Variants in SLC35A5 observed in about 807,000 individuals in gnomAD.
The protein encoded by SLC35A5 is UDP-sugar transporter protein SLC35A5.
A neutral mutation model predicts 36.3 loss-of-function variants in SLC35A5; 28 were observed. The ratio of observed to expected loss-of-function variants is 0.77; its 90% CI spans 0.57 to 1.06. The LOEUF (loss-of-function observed/expected upper bound fraction) is 1.06, where lower values mean the gene tolerates loss of function less well. Among genes scored for constraint, SLC35A5 ranks in the 50% least tolerant of loss-of-function variants. SLC35A5 has a pLI of 0.00. For synonymous variants in SLC35A5, 180 were observed against 173.7 expected (o/e 1.04, Z -0.29); for missense variants, 521 against 499.3 (o/e 1.04, Z -0.41).
chr3:112,565,400 G>A (rs1934150392), intron 2 of SLC35A5, among the ~76,000 whole-genome samples: 1 of 152,156 alleles, frequency 6.6e-6, no homozygotes, highest in African/African-American at 2.4e-5. Flanking sequence ...CAAAACAGAG[G>A]CAACAGCCTG....
chr3:112,572,583 G>A (rs773803923), intron 4 of SLC35A5, among the ~76,000 whole-genome samples: 19 of 152,066 alleles, frequency 1.2e-4, no homozygotes, highest in Admixed American at 4.6e-4. Flanking sequence ...AAGCAAAATG[G>A]CAACTTCCTT....
At chr3:112,576,106 A>C (rs1174011259) in intron 5 of SLC35A5, among the ~76,000 whole-genome samples, 2 of 151,372 alleles carry the variant, frequency 1.3e-5, no homozygotes, top group East Asian at 3.9e-4. Flanking sequence ...AAAAAGAAAA[A>C]AAATTTGCCA....
intron 4 of SLC35A5, 110 bp from the exon 5 acceptor site, chr3:112,573,779 C>T: frequency 2.5e-6 from 2 of 793,460 alleles, no homozygotes; most frequent in African/African-American, 1.7e-5. Context: ...TTAATAACCC[C>T]TCTGTTTTTT....
In SLC35A5 at chr3:112,583,119, C is replaced by T. The variant is rs1290840249; in HGVS notation, c.*383C>T. On this transcript the variant is annotated 3_prime_UTR_variant, in exon 7 of 7. Coordinates refer to ENST00000492406, the MANE Select transcript of SLC35A5 (RefSeq NM_017945.5). ...TTCACAATCATGTAGTTCTAGTTTACATGCCAAAGTCTTCCCTTTTTAACA... is the reference window on the plus strand; with the variant it reads ...TTCACAATCATGTAGTTCTAGTTTATATGCCAAAGTCTTCCCTTTTTAACA... The T allele has an allele frequency of 7.5e-6, 3 of 398,756 alleles. No homozygotes were observed. Among genetic ancestry groups the T allele is most frequent in the East Asian group, 3.6e-5 (1 of 28,052 alleles). The allele number at this position is 398,756 out of a possible 1,614,324, so 24.7% of individuals were successfully genotyped here. A position where few individuals can be genotyped will look rare whatever the true frequency, so the allele number is the denominator to read the frequency against.
chr3:112,569,434 G>GA (rs1934339411), intron 3 of SLC35A5, among the ~76,000 whole-genome samples, 165 bp downstream of exon 3: 1 of 152,206 alleles, frequency 6.6e-6, no homozygotes. Flanking sequence ...AGCTCAAAGA[G>GA]AAAGTGTTAA....
At chr3:112,566,993 G>C (rs942855463) in intron 2 of SLC35A5, among the ~76,000 whole-genome samples, 1 of 152,112 alleles carries the variant, frequency 6.6e-6, no homozygotes, top group African/African-American at 2.4e-5. Context: ...TTGGGAGGCC[G>C]AGGCGGGTGG....
intron 5 of SLC35A5, among the ~76,000 whole-genome samples, chr3:112,580,025 G>A (rs969924696): frequency 3.3e-5 from 5 of 152,158 alleles, no homozygotes; most frequent in East Asian, 3.9e-4. Context: ...AATGCTCTAC[G>A]ATTAGGACAT....
chr3:112,578,508 T>G (rs979802289), intron 5 of SLC35A5, among the ~76,000 whole-genome samples: 1 of 152,208 alleles, frequency 6.6e-6, no homozygotes, highest in Non-Finnish European at 1.5e-5. Flanking sequence ...TGAAGTGAGC[T>G]TCCACTGTTT....
At position 112,580,930 on chromosome 3, in the gene SLC35A5, C is replaced by T. The variant is rs1452725265; in HGVS notation, c.813C>T (p.Leu271=). ...TESIFIQNSK[L]YFFGILFNGL... Reference sequence around the variant, plus strand: ...GCATCTTCATACAGAACAGCAAACTCTATTTCTTTGGCATTCTGTTTAATG... The same window carrying T: ...GCATCTTCATACAGAACAGCAAACTTTATTTCTTTGGCATTCTGTTTAATG... Residue 271 remains leucine, a synonymous_variant, in exon 6 of 7, where the codon CTC becomes CTT. Coordinates refer to ENST00000492406, the MANE Select transcript of SLC35A5 (RefSeq NM_017945.5). 4 of 1,614,040 alleles carry T rather than the reference C, an allele frequency of 2.5e-6. No individual in the cohort carries two copies. The African/African-American group carries it at 4.0e-5, about 16-fold the overall frequency.
At position 112,563,501 on chromosome 3, in the gene SLC35A5, G is replaced by A. The variant is rs565810064; in HGVS notation, c.98G>A (p.Arg33His). 4.4e-6 allele frequency: 7 copies of A among 1,604,878 alleles called. No homozygotes were observed. The highest frequency in any genetic ancestry group is 2.7e-5 in the African/African-American group (2 of 74,910). The change falls in exon 2 of 7, where the codon CGC becomes CAC. Residue 33 changes from arginine (R) to histidine (H), a missense_variant. Transcript: ENST00000492406. ...ATATTCATTGCTTTAAGCTCAAGTCGCATCTTACTAGTGAAGTATTCTGCC... is the reference window on the plus strand; with the variant it reads ...ATATTCATTGCTTTAAGCTCAAGTCACATCTTACTAGTGAAGTATTCTGCC... ...GAIFIALSSS[R>H]ILLVKYSANE...
Position 112,583,248 on chromosome 3 carries a change from A to G in SLC35A5, c.*512A>G. 1 of 396,704 alleles carries G rather than the reference A, an allele frequency of 2.5e-6. No individual in the cohort carries two copies. The highest frequency in any genetic ancestry group is 4.4e-5 in the Admixed American group (1 of 22,712). The allele number at this position is 396,704 out of a possible 1,614,324, so 24.6% of individuals were successfully genotyped here. On this transcript the variant is annotated 3_prime_UTR_variant, in exon 7 of 7. Transcript: ENST00000492406. ...TCTAAAAACGTTGGTTGAAGGACCT[A>G]AATACCTGGCCATACCATAGATTTG... is the stretch of plus-strand genomic sequence containing the variant.
rs1382846456 is a variant in SLC35A5, at chr3:112,583,424, T to A, written c.*688T>A. 6.8e-6 allele frequency: 2 copies of A among 293,160 alleles called. No homozygotes were observed. The highest frequency in any genetic ancestry group is 1.3e-5 in the Non-Finnish European group (2 of 159,830). The allele number at this position is 293,160 out of a possible 1,614,324, so 18.2% of individuals were successfully genotyped here. ...ACATTGGTTCCCTAGTCACCATAGT[T>A]ACCACTTGTATTTTAAGTCATTTAA... On this transcript the variant is annotated 3_prime_UTR_variant, in exon 7 of 7. Coordinates refer to ENST00000492406, the MANE Select transcript of SLC35A5 (RefSeq NM_017945.5).
Position 112,569,382 on chromosome 3 carries a change from G to C in SLC35A5, c.229+113G>C, listed in dbSNP as rs866968777. ...AGTCCATTAAATTTTATATGAGGAA[G>C]CTAAGATACAAACATAAGTATGTTT... On this transcript the variant is annotated intron_variant, in intron 3 of 6. Transcript: ENST00000492406. The C allele has an allele frequency of 9.0e-6, 7 of 778,884 alleles. No homozygotes were observed. In the Middle Eastern group the frequency reaches 1.7e-3, roughly 189 times the overall value. The allele number at this position is 778,884 out of a possible 1,614,324, so 48.2% of individuals were successfully genotyped here. A position where few individuals can be genotyped will look rare whatever the true frequency, so the allele number is the denominator to read the frequency against.
At chr3:112,579,819 G>A (rs1161415624) in intron 5 of SLC35A5, among the ~76,000 whole-genome samples, 1 of 152,106 alleles carries the variant, frequency 6.6e-6, no homozygotes, top group East Asian at 1.9e-4. Flanking sequence ...CAGGTTGCCT[G>A]GCACGTAGTA....
chr3:112,567,833 G>A (rs914477062), intron 2 of SLC35A5, among the ~76,000 whole-genome samples: 1 of 152,198 alleles, frequency 6.6e-6, no homozygotes, highest in Non-Finnish European at 1.5e-5. Context: ...AGTGACAAGG[G>A]TTTGAAAGTT....
intron 5 of SLC35A5, among the ~76,000 whole-genome samples, chr3:112,580,050 CCTT>C (rs749984662): frequency 6.6e-4 from 101 of 152,186 alleles, no homozygotes; most frequent in Admixed American, 1.6e-3. Context: ...CTAGAGCTAA[CCTT>C]CTCCTTTAAA....
chr3:112,578,074 T>C (rs1443508253), intron 5 of SLC35A5, among the ~76,000 whole-genome samples: 1 of 152,134 alleles, frequency 6.6e-6, no homozygotes, highest in African/African-American at 2.4e-5. Context: ...ATATAGAAAA[T>C]ATCTAAACAA....
In SLC35A5 at chr3:112,580,931, T is replaced by C; in HGVS notation, c.814T>C (p.Tyr272His). 6.2e-7 allele frequency: 1 copy of C among 1,614,158 alleles called. No homozygotes were observed. Among genetic ancestry groups the C allele is most frequent in the Non-Finnish European group, 8.5e-7 (1 of 1,180,000 alleles). Reference sequence around the variant, plus strand: ...CATCTTCATACAGAACAGCAAACTCTATTTCTTTGGCATTCTGTTTAATGG... The same window carrying C: ...CATCTTCATACAGAACAGCAAACTCCATTTCTTTGGCATTCTGTTTAATGG... The part of the protein sequence containing the change: ...ESIFIQNSKL[Y>H]FFGILFNGLT... Residue 272 changes from tyrosine (Y) to histidine (H), a missense_variant, in exon 6 of 7, where the codon TAT becomes CAT. Coordinates refer to ENST00000492406, the MANE Select transcript of SLC35A5 (RefSeq NM_017945.5).
At chr3:112,565,362 A>G (rs1405895467) in intron 2 of SLC35A5, among the ~76,000 whole-genome samples, 3 of 152,228 alleles carry the variant, frequency 2.0e-5, no homozygotes, top group African/African-American at 7.2e-5. Context: ...CAGTTGATCC[A>G]CTAGAAGTCA....
Sources: allele counts gnomAD v4.1 joint callset (sites outside exome capture counted in the v4.1 genomes callset), GRCh38; gene constraint gnomAD v4.1.1; transcripts MANE v1.5; gene names NCBI Gene and HGNC (gene_info 2026-07-23, HGNC 2026-07-21).